IBTK: variants seen among roughly 807,000 people sequenced by gnomAD.
The protein encoded by IBTK is inhibitor of Bruton tyrosine kinase.
In IBTK, 83 loss-of-function variants were observed where a neutral mutation model predicts 154.9. The ratio of observed to expected loss-of-function variants is 0.54; its 90% confidence interval spans 0.45 to 0.64. The LOEUF (loss-of-function observed/expected upper bound fraction) is 0.64, where lower values mean the gene tolerates loss of function less well. Ranked by LOEUF, IBTK falls within the 30% of genes least tolerant of loss-of-function variation. The probability of loss-of-function intolerance (pLI) is 0.00; values close to 1 mark genes in which losing one functional copy is unlikely to be tolerated. For synonymous variants in IBTK, 515 were observed against 536.1 expected, an observed-to-expected ratio of 0.96 and a Z score of 0.54; for missense variants, 1,332 against 1,584.6, an observed-to-expected ratio of 0.84 and a Z score of 2.71.
intron 25 of IBTK, among the ~76,000 whole-genome samples, chr6:82,187,490 G>A (rs1034205167): frequency 6.6e-6 from 1 of 152,106 alleles, no homozygotes; most frequent in African/African-American, 2.4e-5. Context: ...AAAGTAATCA[G>A]AAAGGTATAA....
chr6:82,193,313 CT>C (rs1460711535), intron 23 of IBTK, among the ~76,000 whole-genome samples: 1 of 152,086 alleles, frequency 6.6e-6, no homozygotes, highest in East Asian at 1.9e-4. Context: ...CCTAATCTAT[CT>C]TGTAGACCAG....
intron 9 of IBTK, among the ~76,000 whole-genome samples, chr6:82,219,834 T>C (rs1435077087): frequency 6.6e-6 from 1 of 152,152 alleles, no homozygotes; most frequent in East Asian, 1.9e-4. Context: ...TTATAATGCA[T>C]ACATTTGTAT....
In IBTK at chr6:82,231,836, G is replaced by A; in HGVS notation, c.425C>T (p.Thr142Ile). 6.5e-7 allele frequency: 1 copy of A among 1,547,714 alleles called. No individual in the cohort carries two copies. The highest frequency in any genetic ancestry group is 8.8e-7 in the Non-Finnish European group (1 of 1,142,700). ...ATTATCGCCCCAAGTATAAACATCT[G>A]TAGGATCTAAAATAAAAATTAGTTT... ...THVVFKNTDP[T>I]DVYTWGDNTN... The change falls in exon 4 of 29, where the codon ACA (threonine) becomes ATA (isoleucine). Residue 142 changes from threonine (T) to isoleucine (I), a missense_variant. By Grantham distance (89) the Thr-to-Ile change is moderately conservative (BLOSUM62 -1). Transcript: ENST00000306270.
At chr6:82,201,117 G>T (rs985737087) in intron 19 of IBTK, among the ~76,000 whole-genome samples, 1 of 152,006 alleles carries the variant, frequency 6.6e-6, no homozygotes, top group Non-Finnish European at 1.5e-5. Flanking sequence ...ATTTCTTAGG[G>T]ATCATATGAA....
intron 5 of IBTK, among the ~76,000 whole-genome samples, chr6:82,226,855 T>C (rs1770317493): frequency 2.0e-5 from 3 of 152,032 alleles, no homozygotes; most frequent in Non-Finnish European, 4.4e-5. Context: ...ATCCGCCTGC[T>C]TCAGCCTCCC....
At chr6:82,201,343 T>C (rs1417025702) in intron 19 of IBTK, 79 bp downstream of exon 19, 2 of 923,468 alleles carry the variant, frequency 2.2e-6, no homozygotes, top group African/African-American at 3.4e-5. Flanking sequence ...AGGAAACTAT[T>C]CCATTAATAA....
At chr6:82,200,104 G>C (rs1349602156) in intron 21 of IBTK, 37 bp downstream of exon 21, 1 of 1,265,720 alleles carries the variant, frequency 7.9e-7, no homozygotes, top group Non-Finnish European at 1.1e-6. Context: ...AGACATAGAA[G>C]ATTAGAACTG....
intron 16 of IBTK, among the ~76,000 whole-genome samples, chr6:82,208,738 T>C (rs1375397160): frequency 6.6e-6 from 1 of 152,052 alleles, no homozygotes; most frequent in Non-Finnish European, 1.5e-5. Flanking sequence ...AATAAGACCC[T>C]GTCTCAAAAA....
At chr6:82,191,471 T>C (rs1768766387) in intron 24 of IBTK, 1 of 557,056 alleles carries the variant, frequency 1.8e-6, no homozygotes, top group Non-Finnish European at 3.2e-6. Flanking sequence ...CTCCAACATA[T>C]CACAAATTTC....
In IBTK at chr6:82,218,151, A is replaced by C; in HGVS notation, c.1249-14T>G. The C allele has an allele frequency of 1.3e-6, 2 of 1,517,964 alleles. No individual in the cohort carries two copies. Among genetic ancestry groups the C allele is most frequent in the South Asian group, 2.7e-5 (2 of 74,880 alleles). The allele number at this position is 1,517,964 out of a possible 1,614,324, so 94.0% of individuals were successfully genotyped here. On this transcript the variant is annotated splice_polypyrimidine_tract_variant and intron_variant, in intron 9 of 28. Coordinates refer to ENST00000306270, the MANE Select transcript of IBTK (RefSeq NM_015525.4). ...CCAGCAAAACACCTAAAACAAAACCAAATCACATTGAAATATAAAGCAAGT... is the reference window on the plus strand; with the variant it reads ...CCAGCAAAACACCTAAAACAAAACCCAATCACATTGAAATATAAAGCAAGT...
At chr6:82,241,742 G>A (rs1178844664) in intron 1 of IBTK, among the ~76,000 whole-genome samples, 2 of 152,122 alleles carry the variant, frequency 1.3e-5, no homozygotes, top group Non-Finnish European at 2.9e-5. Flanking sequence ...AAGACAAAAG[G>A]AGAAAAATTT....
At chr6:82,205,686 A>C (rs1482264829) in intron 16 of IBTK, 2 of 152,380 alleles carry the variant, frequency 1.3e-5, no homozygotes, top group African/African-American at 4.8e-5. Context: ...GAATTGCTTG[A>C]ACATGGGAGG....
At chr6:82,241,183 A>G (rs1770937525) in intron 1 of IBTK, among the ~76,000 whole-genome samples, 1 of 152,032 alleles carries the variant, frequency 6.6e-6, no homozygotes, top group Admixed American at 6.6e-5. Context: ...GTTAACCCAC[A>G]TTGGTTGTAC....
intron 20 of IBTK, 70 bp downstream of exon 20, chr6:82,200,517 G>C (rs1250564305): frequency 7.7e-6 from 10 of 1,304,232 alleles, no homozygotes; most frequent in African/African-American, 4.5e-5. Context: ...CAAGATGAGA[G>C]TGAAGGGACA....
chr6:82,175,441 C>T (rs2127796477), intron 26 of IBTK, among the ~76,000 whole-genome samples: 2 of 152,188 alleles, frequency 1.3e-5, no homozygotes, highest in Middle Eastern at 6.8e-3. Context: ...GACTACAATT[C>T]CATAACTTTT....
At chr6:82,207,374 G>C (rs895282996) in intron 16 of IBTK, among the ~76,000 whole-genome samples, 3 of 152,004 alleles carry the variant, frequency 2.0e-5, no homozygotes, top group Non-Finnish European at 4.4e-5. Context: ...AACTAAGAAA[G>C]AGCAAGGCTT....
intron 1 of IBTK, among the ~76,000 whole-genome samples, chr6:82,242,844 G>A (rs1771004195): frequency 1.3e-5 from 2 of 152,028 alleles, no homozygotes; most frequent in South Asian, 4.1e-4. Context: ...GGCTGAGGCA[G>A]GAGAAATGCT....
rs759920250 is a variant in IBTK, at chr6:82,172,484, G to A, written c.3826C>T (p.Pro1276Ser). The change falls in exon 28 of 29, where the codon CCA becomes TCA. Residue 1276 changes from proline (P) to serine (S), a missense_variant. Around this residue, in one of 3 missense-constraint regions of IBTK, gnomAD observed 1,134 missense variants for 1,274.7 expected, o/e 0.89. Transcript: ENST00000306270. ...AAAGTGACTGGGGCTACCATGGATG[G>A]AGCAGTCACTGAAGAAGATAGCCAG... The part of the protein sequence containing the change: ...NPWLSSSVTA[P>S]SMVAPVTFAS... 3 of 1,613,054 alleles carry A rather than the reference G, an allele frequency of 1.9e-6. No homozygotes were observed. The highest frequency in any genetic ancestry group is 1.3e-5 in the African/African-American group (1 of 74,874).
At chr6:82,197,197 G>A (rs1428244439) in intron 21 of IBTK, among the ~76,000 whole-genome samples, 1 of 151,986 alleles carries the variant, frequency 6.6e-6, no homozygotes, top group African/African-American at 2.4e-5. Context: ...AAATAAAGAT[G>A]TTATCTAACT....
Sources: allele counts gnomAD v4.1 joint callset (sites outside exome capture counted in the v4.1 genomes callset), GRCh38; gene constraint gnomAD v4.1.1; regional missense constraint gnomAD v4.1.1; transcripts MANE v1.5; gene names NCBI Gene and HGNC (gene_info 2026-07-23, HGNC 2026-07-21).